The following NRG3 variants were observed in gnomAD, a reference collection of about 807,000 sequenced individuals.
The protein encoded by NRG3 is neuregulin 3.
A neutral mutation model predicts 66.9 loss-of-function variants in NRG3; 31 were observed. The ratio of observed to expected loss-of-function variants is 0.46; its 90% confidence interval spans 0.35 to 0.63. The LOEUF (loss-of-function observed/expected upper bound fraction) is 0.63. NRG3 is among the 20% of genes least tolerant of loss of function. The probability of loss-of-function intolerance (pLI) is 0.00; values close to 1 mark genes in which losing one functional copy is unlikely to be tolerated. For synonymous variants in NRG3, 393 were observed against 359.4 expected (o/e 1.09, Z -1.06); for missense variants, 910 against 878.9 (o/e 1.04, Z -0.45).
At chr10:81,980,661 T>C (rs915089478) in intron 1 of NRG3, among the ~76,000 whole-genome samples, 27 of 152,178 alleles carry the variant, frequency 1.8e-4, no homozygotes, top group African/African-American at 6.0e-4. Flanking sequence ...GCTGCTTGTG[T>C]TAGTTTGCGA....
intron 1 of NRG3, among the ~76,000 whole-genome samples, chr10:82,285,888 G>T (rs1012875632): frequency 6.6e-6 from 1 of 152,104 alleles, no homozygotes; most frequent in African/African-American, 2.4e-5. Flanking sequence ...AAATTCCCAA[G>T]TTTATTTACA....
intron 1 of NRG3, among the ~76,000 whole-genome samples, chr10:82,204,841 A>G (rs1427137366): frequency 2.0e-5 from 3 of 152,178 alleles, no homozygotes; most frequent in East Asian, 1.9e-4. Flanking sequence ...TTGTGATGCT[A>G]TCATTTTAAA....
intron 1 of NRG3, among the ~76,000 whole-genome samples, chr10:82,190,781 A>C (rs2133348711): frequency 6.6e-6 from 1 of 152,292 alleles, no homozygotes; most frequent in East Asian, 1.9e-4. Flanking sequence ...TGGTTAATTC[A>C]GTTACTCAAG....
At chr10:82,785,267 A>G (rs540355767) in intron 3 of NRG3, among the ~76,000 whole-genome samples, 2 of 152,028 alleles carry the variant, frequency 1.3e-5, no homozygotes, top group South Asian at 2.1e-4. Context: ...TGACGAGTTA[A>G]TGGGTGCAGC....
chr10:82,862,561 A>G (rs535566009), intron 3 of NRG3, among the ~76,000 whole-genome samples: 1 of 152,288 alleles, frequency 6.6e-6, no homozygotes, highest in Non-Finnish European at 1.5e-5. Context: ...ATATGTCTGT[A>G]CAGTTTCCGT....
chr10:82,723,391 C>A (rs1050449297), intron 2 of NRG3, among the ~76,000 whole-genome samples: 1 of 151,974 alleles, frequency 6.6e-6, no homozygotes, highest in Non-Finnish European at 1.5e-5. Context: ...GTAATGGGGT[C>A]GATTGAACCC....
chr10:81,953,784 T>G (rs1849583541), intron 1 of NRG3, among the ~76,000 whole-genome samples: 1 of 152,220 alleles, frequency 6.6e-6, no homozygotes, highest in South Asian at 2.1e-4. Flanking sequence ...TCAGTTTCTT[T>G]GATTTTTCTA....
chr10:82,891,170 AT>A (rs1403450619), intron 4 of NRG3, among the ~76,000 whole-genome samples: 1 of 151,826 alleles, frequency 6.6e-6, no homozygotes, highest in African/African-American at 2.4e-5. Context: ...AAAGAAAAAA[AT>A]GAACTTGATT....
chr10:82,618,341 C>T (rs527297093), intron 2 of NRG3, among the ~76,000 whole-genome samples: 8 of 151,940 alleles, frequency 5.3e-5, no homozygotes, highest in East Asian at 3.9e-4. Context: ...GGAATTTATG[C>T]GGGGAGTTGG....
At chr10:82,459,606 A>G (rs2091425275) in intron 2 of NRG3, among the ~76,000 whole-genome samples, 1 of 152,168 alleles carries the variant, frequency 6.6e-6, no homozygotes, top group South Asian at 2.1e-4. Context: ...CCTGTGTTGA[A>G]TTATTTCTCA....
chr10:81,923,222 T>C (rs770889079), intron 1 of NRG3, among the ~76,000 whole-genome samples: 20 of 152,194 alleles, frequency 1.3e-4, no homozygotes, highest in Non-Finnish European at 2.6e-4. Flanking sequence ...TACCTACCTG[T>C]GGGCAACTGC....
At chr10:82,061,062 T>C (rs1394087118) in intron 1 of NRG3, among the ~76,000 whole-genome samples, 2 of 152,186 alleles carry the variant, frequency 1.3e-5, no homozygotes, top group Admixed American at 1.3e-4. Context: ...TCAGTGTATG[T>C]AGGTATGTGA....
At chr10:82,575,898 A>G (rs1590732915) in intron 2 of NRG3, among the ~76,000 whole-genome samples, 1 of 151,806 alleles carries the variant, frequency 6.6e-6, no homozygotes, top group Non-Finnish European at 1.5e-5. Context: ...AAGCTTCATA[A>G]GTGTTTGGGG....
At chr10:82,595,486 A>G (rs1440768783) in intron 2 of NRG3, among the ~76,000 whole-genome samples, 1 of 152,138 alleles carries the variant, frequency 6.6e-6, no homozygotes, top group Non-Finnish European at 1.5e-5. Context: ...ACAACATAGC[A>G]TGTTAGAAAT....
At chr10:82,408,942 A>C (rs1451735683) in intron 2 of NRG3, among the ~76,000 whole-genome samples, 1 of 152,188 alleles carries the variant, frequency 6.6e-6, no homozygotes, top group African/African-American at 2.4e-5. Flanking sequence ...CATTTTAATA[A>C]GTGACTATAT....
intron 2 of NRG3, among the ~76,000 whole-genome samples, chr10:82,729,906 T>C (rs2057803899): frequency 6.6e-6 from 1 of 152,156 alleles, no homozygotes; most frequent in Non-Finnish European, 1.5e-5. Flanking sequence ...TTGTTCTTTT[T>C]CTTTTCCTTT....
intron 3 of NRG3, among the ~76,000 whole-genome samples, chr10:82,852,703 A>G (rs2063621494): frequency 6.6e-6 from 1 of 152,176 alleles, no homozygotes; most frequent in South Asian, 2.1e-4. Flanking sequence ...TAAAATTAGA[A>G]ATTTCTAAAT....
intron 1 of NRG3, among the ~76,000 whole-genome samples, chr10:81,933,107 C>G: frequency 1.7e-5 from 1 of 59,522 alleles, no homozygotes; most frequent in Non-Finnish European, 3.9e-5. Context: ...CGCTCCATCT[C>G]AAAAAAAAAA....
intron 2 of NRG3, among the ~76,000 whole-genome samples, chr10:82,730,381 G>A (rs1039717380): frequency 6.6e-6 from 1 of 152,078 alleles, no homozygotes; most frequent in Non-Finnish European, 1.5e-5. Context: ...ACCGTGCCTG[G>A]CCAATCCCTA....
Sources: gnomAD v4.1 joint callset for allele counts (sites outside exome capture counted in the v4.1 genomes callset) on GRCh38, gnomAD v4.1.1 for gene constraint, MANE v1.5 for transcripts, NCBI Gene and HGNC (gene_info 2026-07-23, HGNC 2026-07-21) for gene names.